The following DNAH12 variants were observed in gnomAD, a reference collection of about 807,000 sequenced individuals.
The protein encoded by DNAH12 is axonemal beta dynein heavy chain 12.
In DNAH12, 285 loss-of-function variants were observed where a neutral mutation model predicts 371.5. The ratio of observed to expected loss-of-function variants is 0.77; its 90% CI spans 0.70 to 0.85. The LOEUF (loss-of-function observed/expected upper bound fraction) is 0.85. DNAH12 is among the 40% of genes least tolerant of loss of function. DNAH12 has a pLI of 0.00. For missense variants in DNAH12, 3,611 were observed against 3,689.4 expected (o/e 0.98, Z 0.55); for synonymous variants, 1,200 against 1,213.0 (o/e 0.99, Z 0.22).
At chr3:57,498,752 C>A (rs928386885) in intron 11 of DNAH12, among the ~76,000 whole-genome samples, 1 of 152,134 alleles carries the variant, frequency 6.6e-6, no homozygotes, top group African/African-American at 2.4e-5. Flanking sequence ...GTAATCCCAG[C>A]ATTTTGGGAG....
Position 57,491,081 on chromosome 3 carries a change from CAAAAAAAA to C in DNAH12, c.1336-1402_1336-1395del, listed in dbSNP as rs553885449. On this transcript the variant is annotated intron_variant, in intron 11 of 73. Transcript: ENST00000495027. ...TGGAAGACAGAGCGAGACTCTATCTCAAAAAAAAAAAAAAAAAAAACAACAAATAAAGG... is the reference window on the plus strand; with the variant it reads ...TGGAAGACAGAGCGAGACTCTATCTCAAAAAAAAAAAACAACAAATAAAGG... 2.5e-3 allele frequency among the ~76,000 whole-genome samples: 173 copies of C among 70,394 alleles called. 1 individual carries two copies. Among genetic ancestry groups the C allele is most frequent in the African/African-American group, 8.7e-3 (164 of 18,932 alleles). The allele number at this position is 70,394 out of a possible 152,430, so 46.2% of individuals were successfully genotyped here.
chr3:57,345,854 C>G (rs572877216), intron 60 of DNAH12, among the ~76,000 whole-genome samples: 1 of 152,054 alleles, frequency 6.6e-6, no homozygotes, highest in South Asian at 2.1e-4. Flanking sequence ...TATGACATAC[C>G]TAACCTTTTC....
chr3:57,461,443 G>A (rs1318707957), intron 19 of DNAH12, 46 bp downstream of exon 19: 5 of 1,529,450 alleles, frequency 3.3e-6, no homozygotes, highest in African/African-American at 1.4e-5. Flanking sequence ...TAATAGGATT[G>A]CAATCCGTAT....
At position 57,301,720 on chromosome 3, in the gene DNAH12, AC is replaced by A; in HGVS notation, c.11394+14del. ...CACACACACACACACACACACACAC[AC>A]ACACACATTTTACCTGTAAAAAGTT... On this transcript the variant is annotated intron_variant, in intron 70 of 73. Transcript: ENST00000495027. 5 of 1,280,936 alleles carry A rather than the reference AC, an allele frequency of 3.9e-6. No homozygotes were observed. The highest frequency in any genetic ancestry group is 3.0e-5 in the African/African-American group (2 of 66,410). 79.3% of individuals were successfully genotyped at this position (1,280,936 alleles called of 1,614,324 possible). A position where few individuals can be genotyped will look rare whatever the true frequency, so the allele number is the denominator to read the frequency against.
intron 25 of DNAH12, among the ~76,000 whole-genome samples, chr3:57,447,791 A>C (rs1255630531): frequency 6.6e-6 from 1 of 151,996 alleles, no homozygotes; most frequent in African/African-American, 2.4e-5. Context: ...CTCCCACCTC[A>C]GCCTCCCGAG....
At chr3:57,327,563 T>C (rs2153301483) in intron 62 of DNAH12, among the ~76,000 whole-genome samples, 1 of 151,744 alleles carries the variant, frequency 6.6e-6, no homozygotes, top group Non-Finnish European at 1.5e-5. Context: ...CAAAGCAGTG[T>C]GTAAAGGGAA....
intron 60 of DNAH12, among the ~76,000 whole-genome samples, chr3:57,335,626 T>C (rs890339092): frequency 3.3e-5 from 5 of 152,216 alleles, no homozygotes; most frequent in Non-Finnish European, 7.3e-5. Context: ...CATAATGGCA[T>C]GTATTTGTGT....
At chr3:57,463,604 T>C (rs2066117596) in intron 17 of DNAH12, among the ~76,000 whole-genome samples, 2 of 152,206 alleles carry the variant, frequency 1.3e-5, no homozygotes, top group African/African-American at 2.4e-5. Context: ...CTTTTTGTTT[T>C]GCTTAGTTAA....
At position 57,310,711 on chromosome 3, in the gene DNAH12, C is replaced by T. The variant is rs754253632; in HGVS notation, c.10896+6G>A. The T allele has an allele frequency of 6.5e-7, 1 of 1,537,860 alleles. No homozygotes were observed. Among genetic ancestry groups the T allele is most frequent in the Non-Finnish European group, 8.8e-7 (1 of 1,135,562 alleles). On this transcript the variant is annotated splice_donor_region_variant and intron_variant, in intron 67 of 73. Coordinates refer to ENST00000495027, the MANE Select transcript of DNAH12 (RefSeq NM_001366028.2). ...AATCTAACCTTATTTTTGGTGACATCATTACCTTAATGAATTCAATGTAGT... is the reference window on the plus strand; with the variant it reads ...AATCTAACCTTATTTTTGGTGACATTATTACCTTAATGAATTCAATGTAGT...
At chr3:57,480,784 T>C (rs891810162) in intron 13 of DNAH12, among the ~76,000 whole-genome samples, 6 of 152,192 alleles carry the variant, frequency 3.9e-5, no homozygotes, top group Non-Finnish European at 5.9e-5. Flanking sequence ...TCAATAAATG[T>C]CATCCAGCAT....
At chr3:57,387,421 G>A (rs1397560956) in intron 45 of DNAH12, among the ~76,000 whole-genome samples, 7 of 151,908 alleles carry the variant, frequency 4.6e-5, no homozygotes, top group Non-Finnish European at 1.0e-4. Context: ...ATATTAAAAT[G>A]AAAAAAGGAT....
At chr3:57,494,623 C>A (rs2067247443) in intron 11 of DNAH12, among the ~76,000 whole-genome samples, 1 of 151,902 alleles carries the variant, frequency 6.6e-6, no homozygotes, top group Non-Finnish European at 1.5e-5. Context: ...CAGGTACTAG[C>A]CAGTGAAATT....
intron 43 of DNAH12, among the ~76,000 whole-genome samples, chr3:57,399,017 TC>T (rs1479690748): frequency 2.0e-5 from 3 of 152,092 alleles, no homozygotes; most frequent in African/African-American, 7.2e-5. Context: ...ATTTGTGACA[TC>T]CAGAACAAAA....
chr3:57,326,786 C>T (rs1451326393), intron 62 of DNAH12, among the ~76,000 whole-genome samples: 8 of 152,106 alleles, frequency 5.3e-5, no homozygotes, highest in Non-Finnish European at 1.0e-4. Flanking sequence ...AGAGTCAAGA[C>T]CCATCAGTGT....
At chr3:57,451,439 T>A (rs1559676211) in intron 25 of DNAH12, among the ~76,000 whole-genome samples, 1 of 152,110 alleles carries the variant, frequency 6.6e-6, no homozygotes, top group African/African-American at 2.4e-5. Flanking sequence ...AAGACCAGCT[T>A]GGGCAAGCAA....
intron 30 of DNAH12, among the ~76,000 whole-genome samples, chr3:57,436,224 AACTTTT>A (rs1172429471): frequency 7.9e-5 from 12 of 152,104 alleles, no homozygotes; most frequent in Non-Finnish European, 1.3e-4. Context: ...ACATATATAT[AACTTTT>A]ACTTATATAA....
intron 62 of DNAH12, among the ~76,000 whole-genome samples, chr3:57,327,032 C>T (rs2061965349): frequency 6.6e-6 from 1 of 151,834 alleles, no homozygotes; most frequent in African/African-American, 2.4e-5. Context: ...TATATGCACC[C>T]AATACAGGAG....
chr3:57,499,819 G>A (rs1388255980), intron 11 of DNAH12, among the ~76,000 whole-genome samples: 2 of 147,600 alleles, frequency 1.4e-5, no homozygotes, highest in African/African-American at 2.5e-5. Context: ...GCCTGGGCAA[G>A]AGAGTGAGAC....
At chr3:57,550,512 A>T in the DNAH12 span, among the ~76,000 whole-genome samples, 1 of 151,582 alleles carries the variant, frequency 6.6e-6, no homozygotes, top group Non-Finnish European at 1.5e-5. Flanking sequence ...CCATACATTT[A>T]TTTTTATTTT....
Sources: allele counts gnomAD v4.1 joint callset (sites outside exome capture counted in the v4.1 genomes callset), GRCh38; gene constraint gnomAD v4.1.1; transcripts MANE v1.5; gene names NCBI Gene and HGNC (gene_info 2026-07-23, HGNC 2026-07-21).